The following TIPARP variants were observed in gnomAD, a reference collection of about 807,000 sequenced individuals.
The protein encoded by TIPARP is TCDD inducible poly(ADP-ribose) polymerase, also known as protein mono-ADP-ribosyltransferase TIPARP.
In TIPARP, 12 loss-of-function variants were observed where a neutral mutation model predicts 56.5. That is an observed-to-expected ratio of 0.21 (90% CI 0.14 to 0.34). The LOEUF is 0.34. TIPARP is among the 10% of genes least tolerant of loss of function. The probability of loss-of-function intolerance (pLI) is 1.00; values close to 1 mark genes in which losing one functional copy is unlikely to be tolerated. For missense variants in TIPARP, 604 were observed against 781.6 expected, an observed-to-expected ratio of 0.77 and a Z score of 2.71; for synonymous variants, 296 against 265.7, an observed-to-expected ratio of 1.11 and a Z score of -1.11.
Position 156,701,530 on chromosome 3 carries a change from A to G in TIPARP, c.1248-1894A>G, listed in dbSNP as rs185401327. On this transcript the variant is annotated intron_variant, in intron 4 of 5. Coordinates refer to ENST00000295924, the MANE Select transcript of TIPARP (RefSeq NM_015508.5). ...GCAAAGCTGGATAGAGGGAGGAGCT[A>G]TTAAATAAAAATAAGGGGCTTATAT... Among the ~76,000 whole-genome samples, 812 of 152,316 alleles carry G rather than the reference A, an allele frequency of 5.3e-3. 11 individuals carry two copies. Among genetic ancestry groups the G allele is most frequent in the Middle Eastern group, 6.8e-3 (2 of 294 alleles).
intron 4 of TIPARP, among the ~76,000 whole-genome samples, chr3:156,701,548 G>A (rs1722844438): frequency 2.0e-5 from 3 of 152,080 alleles, no homozygotes; most frequent in Non-Finnish European, 4.4e-5. Flanking sequence ...AAAATAAGGG[G>A]CTTATATTCT....
At chr3:156,697,102 T>C (rs1160921049) in intron 4 of TIPARP, among the ~76,000 whole-genome samples, 1 of 152,220 alleles carries the variant, frequency 6.6e-6, no homozygotes, top group Non-Finnish European at 1.5e-5. Flanking sequence ...AAGTGTGTTC[T>C]TTCTTCTAAG....
At chr3:156,701,006 C>G (rs1456626558) in intron 4 of TIPARP, among the ~76,000 whole-genome samples, 1 of 152,192 alleles carries the variant, frequency 6.6e-6, no homozygotes, top group African/African-American at 2.4e-5. Context: ...TTTGTAACTG[C>G]GCTTGAAACA....
chr3:156,687,299 C>T (rs1722454493), intron 2 of TIPARP, among the ~76,000 whole-genome samples: 1 of 152,122 alleles, frequency 6.6e-6, no homozygotes, highest in African/African-American at 2.4e-5. Context: ...AAAATTTAAT[C>T]CCACACTACC....
At chr3:156,693,917 G>T in intron 2 of TIPARP, 103 bp from the exon 3 acceptor site, 1 of 1,270,330 alleles carries the variant, frequency 7.9e-7, no homozygotes, top group Non-Finnish European at 1.1e-6. Flanking sequence ...TCTACAACAG[G>T]CTATGCTATG....
chr3:156,675,914 C>G (rs1220437242), intron 1 of TIPARP: 1 of 152,274 alleles, frequency 6.6e-6, no homozygotes, highest in Non-Finnish European at 1.5e-5. Context: ...TTCTCCAGTT[C>G]TCTGCTTCTT....
chr3:156,704,949 A>G lies in TIPARP; in HGVS notation c.1792A>G (p.Met598Val), dbSNP rs771313745. 2.5e-6 allele frequency: 4 copies of G among 1,614,090 alleles called. No homozygotes were observed. Among genetic ancestry groups the G allele is most frequent in the Admixed American group, 1.7e-5 (1 of 60,010 alleles). The change falls in exon 6 of 6, where the codon ATG becomes GTG. Residue 598 changes from methionine (M) to valine (V), a missense_variant. Physicochemically the swap from Met to Val is conservative, Grantham distance 21. This residue lies in a region of TIPARP where 77 missense variants were observed against 161.0 expected (regional missense o/e 0.48). Transcript: ENST00000295924. Reference sequence around the variant, plus strand: ...CAAAGTGCTGACGGGCAGATACACAATGGGCAGTCATGGCATGAGAAGGCC... The same window carrying G: ...CAAAGTGCTGACGGGCAGATACACAGTGGGCAGTCATGGCATGAGAAGGCC... Reference protein sequence around the residue: ...LAKVLTGRYTMGSHGMRRPPP... With the variant: ...LAKVLTGRYTVGSHGMRRPPP...
rs774299200 is a variant in TIPARP, at chr3:156,704,662, CTCTG to C, written c.1527-16_1527-13del. 500 of 1,594,378 alleles carry C rather than the reference CTCTG, an allele frequency of 3.1e-4. 4 individuals are homozygous for C. In the South Asian group the frequency reaches 3.8e-3, roughly 12 times the overall value. On this transcript the variant is annotated intron_variant, in intron 5 of 5. Coordinates refer to ENST00000295924, the MANE Select transcript of TIPARP (RefSeq NM_015508.5). Reference sequence around the variant, plus strand: ...GACCTGTATTTCATCCTTCTGAATTCTCTGTCTGTTCTTTCCATTAGGAAAAAGG... The same window carrying C: ...GACCTGTATTTCATCCTTCTGAATTCTCTGTTCTTTCCATTAGGAAAAAGG...
At chr3:156,702,073 TTGTGGTG>T (rs1722861536) in intron 4 of TIPARP, among the ~76,000 whole-genome samples, 3 of 111,674 alleles carry the variant, frequency 2.7e-5, no homozygotes, top group Non-Finnish European at 2.0e-5. Context: ...GTGGTGGTGG[TTGTGGTG>T]GTGGTGGTGG....
intron 2 of TIPARP, among the ~76,000 whole-genome samples, chr3:156,679,566 G>T (rs912233043): frequency 6.6e-6 from 1 of 152,182 alleles, no homozygotes; most frequent in Admixed American, 6.5e-5. Flanking sequence ...ATGACCAAGA[G>T]TAAGGATTAA....
chr3:156,681,542 A>G (rs1722306608), intron 2 of TIPARP, among the ~76,000 whole-genome samples: 1 of 152,210 alleles, frequency 6.6e-6, no homozygotes, highest in South Asian at 2.1e-4. Flanking sequence ...TTGCAAATGT[A>G]TTGGATTTAA....
chr3:156,701,666 G>A (rs2108498114), intron 4 of TIPARP, among the ~76,000 whole-genome samples: 1 of 152,316 alleles, frequency 6.6e-6, no homozygotes, highest in South Asian at 2.1e-4. Flanking sequence ...GTGTACCAGT[G>A]AAAAATGTAC....
rs963750734 is a variant in TIPARP, at chr3:156,704,721, G to A, written c.1564G>A (p.Asp522Asn). 2 of 1,614,126 alleles carry A rather than the reference G, an allele frequency of 1.2e-6. No homozygotes were observed. The highest frequency in any genetic ancestry group is 2.7e-5 in the African/African-American group (2 of 75,036). Residue 522 changes from aspartate (D) to asparagine (N), a missense_variant, in exon 6 of 6, where the codon GAC becomes AAC. Around this residue, in one of 4 missense-constraint regions of TIPARP, gnomAD observed 252 missense variants for 303.9 expected, o/e 0.83. Transcript: ENST00000295924. ...TATGAACAGGAAAATGTTTGGCCGT[G>A]ACAGGATAATAAATGAGAGACATTT... ...EYMNRKMFGR[D>N]RIINERHLFH...
chr3:156,692,469 C>A (rs1722600125), intron 2 of TIPARP, among the ~76,000 whole-genome samples: 1 of 152,008 alleles, frequency 6.6e-6, no homozygotes, highest in Non-Finnish European at 1.5e-5. Flanking sequence ...TTATTTTAAA[C>A]TACATTATAT....
intron 3 of TIPARP, among the ~76,000 whole-genome samples, chr3:156,695,202 T>TTTTATTTA (rs58864139): frequency 0.77 from 112,694 of 146,888 alleles, 43,493 homozygotes; most frequent in East Asian, 0.88. Flanking sequence ...CCTTTTCAAA[T>TTTTATTTA]TTTATTTATT....
At chr3:156,688,640 G>T (rs561811713) in intron 2 of TIPARP, among the ~76,000 whole-genome samples, 2 of 152,266 alleles carry the variant, frequency 1.3e-5, no homozygotes, top group African/African-American at 4.8e-5. Flanking sequence ...TTCACAAAAT[G>T]TGTTGGTATT....
chr3:156,701,635 G>C (rs953317056), intron 4 of TIPARP, among the ~76,000 whole-genome samples: 3 of 152,192 alleles, frequency 2.0e-5, no homozygotes, highest in East Asian at 3.8e-4. Flanking sequence ...GATTAAAGCA[G>C]TCAGACCTCT....
At chr3:156,699,248 A>G (rs1206160606) in intron 4 of TIPARP, among the ~76,000 whole-genome samples, 1 of 152,234 alleles carries the variant, frequency 6.6e-6, no homozygotes, top group Non-Finnish European at 1.5e-5. Context: ...GGGAGGATTG[A>G]CTGCAACTTT....
At chr3:156,695,727 A>AAGGGAGTTAT in intron 3 of TIPARP, 138 bp from the exon 4 acceptor site, 1 of 1,209,872 alleles carries the variant, frequency 8.3e-7, no homozygotes, top group Non-Finnish European at 1.1e-6. Flanking sequence ...TTAGCATATA[A>AAGGGAGTTAT]AGGGAGTTAT....
Sources: gnomAD v4.1 joint callset for allele counts (sites outside exome capture counted in the v4.1 genomes callset) on GRCh38, gnomAD v4.1.1 for gene constraint, gnomAD v4.1.1 regional missense constraint, MANE v1.5 for transcripts, NCBI Gene and HGNC (gene_info 2026-07-23, HGNC 2026-07-21) for gene names.